The following LAMA2 variants were observed in gnomAD, a reference collection of about 807,000 sequenced individuals.
LAMA2 encodes laminin subunit alpha 2, also known as laminin subunit alpha-2.
A neutral mutation model predicts 364.8 loss-of-function variants in LAMA2; 269 were observed. The observed-to-expected ratio is 0.74, with a 90% CI of 0.67 to 0.82. The LOEUF (loss-of-function observed/expected upper bound fraction) is 0.82. LAMA2 is among the 40% of genes least tolerant of loss of function. LAMA2 has a pLI of 0.00. For missense variants in LAMA2, 3,807 were observed against 3,873.2 expected (o/e 0.98, Z 0.45); for synonymous variants, 1,379 against 1,370.6 (o/e 1.01, Z -0.14).
At chr6:129,163,722 A>C (rs551837598) in intron 8 of LAMA2, among the ~76,000 whole-genome samples, 1 of 152,350 alleles carries the variant, frequency 6.6e-6, no homozygotes, top group South Asian at 2.1e-4. Context: ...TGGCCTGTAG[A>C]CCAAATCCTG....
intron 29 of LAMA2, among the ~76,000 whole-genome samples, chr6:129,339,224 A>G (rs774986305): frequency 6.6e-6 from 1 of 152,226 alleles, no homozygotes; most frequent in African/African-American, 2.4e-5. Flanking sequence ...TAGTAGCAAC[A>G]AGAAAGTCAA....
chr6:129,438,834 T>A, intron 42 of LAMA2, 72 bp downstream of exon 42: 6 of 815,712 alleles, frequency 7.4e-6, no homozygotes, highest in Non-Finnish European at 1.3e-5. Context: ...ACTTTTACCA[T>A]TTTTTTCTAA....
chr6:129,158,573 G>T, intron 8 of LAMA2: 1 of 1,614,042 alleles, frequency 6.2e-7, no homozygotes, highest in Non-Finnish European at 8.5e-7. Context: ...GTCTGCTTGA[G>T]ATGCTCTTGC....
At chr6:129,482,424 C>A (rs779875830) in intron 55 of LAMA2, among the ~76,000 whole-genome samples, 1 of 152,180 alleles carries the variant, frequency 6.6e-6, no homozygotes, top group Non-Finnish European at 1.5e-5. Flanking sequence ...TCTTCAATCA[C>A]ATTTTTTAAA....
rs1337776145 is a variant in LAMA2, at chr6:129,370,079, C to G, written c.4959+89C>G. Reference sequence around the variant, plus strand: ...TTCAAAGTTCTGAAATGCAAATCACCTTCTTCCTAATTCCCAATTTGGTAT... The same window carrying G: ...TTCAAAGTTCTGAAATGCAAATCACGTTCTTCCTAATTCCCAATTTGGTAT... On this transcript the variant is annotated intron_variant, in intron 34 of 64. Coordinates refer to ENST00000421865, the MANE Select transcript of LAMA2 (RefSeq NM_000426.4). 4 of 1,034,504 alleles carry G rather than the reference C, an allele frequency of 3.9e-6. No homozygotes were observed. The East Asian group carries it at 9.8e-5, about 25-fold the overall frequency. 64.1% of individuals were successfully genotyped at this position (1,034,504 alleles called of 1,614,324 possible). A position where few individuals can be genotyped will look rare whatever the true frequency, so the allele number is the denominator to read the frequency against.
At chr6:129,320,908 A>G (rs1189667343) in intron 28 of LAMA2, among the ~76,000 whole-genome samples, 2 of 152,236 alleles carry the variant, frequency 1.3e-5, no homozygotes, top group East Asian at 1.9e-4. Context: ...GAATGTTTTA[A>G]TAAGCCTATT....
chr6:128,906,911 GT>G (rs1353053825), intron 1 of LAMA2, among the ~76,000 whole-genome samples: 1 of 133,712 alleles, frequency 7.5e-6, no homozygotes, highest in African/African-American at 2.6e-5. Flanking sequence ...CCCATTGCTT[GT>G]TTTTCTCAGG....
intron 1 of LAMA2, among the ~76,000 whole-genome samples, chr6:128,947,814 A>G (rs1780573571): frequency 6.6e-6 from 1 of 152,126 alleles, no homozygotes; most frequent in South Asian, 2.1e-4. Context: ...TTACAGTGTT[A>G]TAAAGGGAGA....
chr6:128,893,830 G>T (rs1021983065), intron 1 of LAMA2, among the ~76,000 whole-genome samples: 7 of 151,826 alleles, frequency 4.6e-5, no homozygotes, highest in Non-Finnish European at 8.8e-5. Flanking sequence ...TTGACAAAAA[G>T]AACATAACTT....
chr6:129,132,388 G>C (rs1446166301), intron 4 of LAMA2, among the ~76,000 whole-genome samples: 1 of 151,998 alleles, frequency 6.6e-6, no homozygotes, highest in Non-Finnish European at 1.5e-5. Context: ...GGATGGTCTC[G>C]ATCTCCTGAC....
intron 12 of LAMA2, among the ~76,000 whole-genome samples, chr6:129,240,149 A>G (rs2115154028): frequency 6.6e-6 from 1 of 152,320 alleles, no homozygotes; most frequent in Middle Eastern, 3.4e-3. Flanking sequence ...GAGAAAGATG[A>G]AGACTAGAAG....
chr6:129,418,891 G>A (rs974434385), intron 40 of LAMA2, among the ~76,000 whole-genome samples: 2 of 151,914 alleles, frequency 1.3e-5, no homozygotes, highest in Admixed American at 1.3e-4. Context: ...AGATAAAAGT[G>A]GTATATATTT....
At chr6:129,231,516 A>G (rs1045850332) in intron 12 of LAMA2, among the ~76,000 whole-genome samples, 3 of 152,146 alleles carry the variant, frequency 2.0e-5, no homozygotes, top group African/African-American at 7.2e-5. Context: ...AAATGTGTCT[A>G]TGACTTGGAG....
In LAMA2 at chr6:129,514,373, T is replaced by TTGA. The variant is rs1437850233; in HGVS notation, c.8992_8994dup (p.Met2998dup). 3.1e-6 allele frequency: 5 copies of TTGA among 1,607,798 alleles called. No homozygotes were observed. Among genetic ancestry groups the TTGA allele is most frequent in the Non-Finnish European group, 4.3e-6 (5 of 1,174,422 alleles). On this transcript the variant is annotated inframe_insertion and splice_region_variant, in exon 64 of 65. Transcript: ENST00000421865. ...GACTGTTCTATTTCCTACTTTCCAG[T>TTGA]TGATGTTTCATGTGGACAATGGTGC...
chr6:128,985,170 A>G (rs945677658), intron 1 of LAMA2, among the ~76,000 whole-genome samples: 4 of 152,258 alleles, frequency 2.6e-5, no homozygotes, highest in Admixed American at 1.3e-4. Context: ...TCTGAAGAAA[A>G]GTGGGTCAGA....
chr6:129,150,488 G>A (rs933354209), intron 7 of LAMA2, among the ~76,000 whole-genome samples: 3 of 152,146 alleles, frequency 2.0e-5, no homozygotes, highest in Non-Finnish European at 4.4e-5. Flanking sequence ...ATTGTGTAAT[G>A]TTAAGTGGCT....
intron 12 of LAMA2, among the ~76,000 whole-genome samples, chr6:129,206,082 G>GA (rs534387823): frequency 0.052 from 6,375 of 121,468 alleles, 376 homozygotes; most frequent in Non-Finnish European, 0.075. Flanking sequence ...GAAAGGAAAG[G>GA]AGGAAGGAAG....
intron 1 of LAMA2, among the ~76,000 whole-genome samples, chr6:128,993,780 C>G (rs750414884): frequency 1.3e-5 from 2 of 152,078 alleles, no homozygotes. Context: ...GTTAGTTCCA[C>G]CTGGTTCTTC....
intron 17 of LAMA2, among the ~76,000 whole-genome samples, chr6:129,273,830 A>T (rs1486334025): frequency 1.3e-5 from 2 of 152,040 alleles, no homozygotes; most frequent in Non-Finnish European, 2.9e-5. Flanking sequence ...TACCAGTAAC[A>T]CCAAGTATTT....
Sources: allele counts gnomAD v4.1 joint callset (sites outside exome capture counted in the v4.1 genomes callset), GRCh38; gene constraint gnomAD v4.1.1; transcripts MANE v1.5; gene names NCBI Gene and HGNC (gene_info 2026-07-23, HGNC 2026-07-21).